COL3A1: variants seen among roughly 807,000 people sequenced by gnomAD.
COL3A1 encodes collagen alpha-1(III) chain.
COL3A1 carries 46 observed loss-of-function variants against 200.9 expected under a neutral mutation model. That is an observed-to-expected ratio of 0.23 (90% CI 0.18 to 0.29). The LOEUF is 0.29. Among genes scored for constraint, COL3A1 ranks in the 10% least tolerant of loss-of-function variants. The pLI, the probability that COL3A1 is intolerant of heterozygous loss-of-function variation, is 1.00. For synonymous variants in COL3A1, 650 were observed against 628.0 expected, an observed-to-expected ratio of 1.03 and a Z score of -0.52; for missense variants, 1,367 against 1,917.6, an observed-to-expected ratio of 0.71 and a Z score of 5.36.
Position 189,008,617 on chromosome 2 carries a change from A to G in COL3A1, c.3526-307A>G, listed in dbSNP as rs1253683345. The G allele has an allele frequency of 6.2e-6, 3 of 482,458 alleles. 1 individual carries two copies. The highest frequency in any genetic ancestry group is 4.6e-5 in the South Asian group (2 of 43,358). The allele number at this position is 482,458 out of a possible 1,614,324, so 29.9% of individuals were successfully genotyped here. A position where few individuals can be genotyped will look rare whatever the true frequency, so the allele number is the denominator to read the frequency against. On this transcript the variant is annotated intron_variant, in intron 47 of 50. Transcript: ENST00000304636. ...TTACACTCCCCTCTGTCATGTCAAT[A>G]TTGGAATTGTAGCTCACAGGTGTTT...
intron 50 of COL3A1, 42 bp downstream of exon 50, chr2:189,010,932 C>T: frequency 1.9e-6 from 3 of 1,612,016 alleles, no homozygotes; most frequent in Non-Finnish European, 2.5e-6. Context: ...AAGCAGTCAG[C>T]ATTTTAGTTT....
intron 1 of COL3A1, among the ~76,000 whole-genome samples, chr2:188,983,384 A>G (rs1687995530): frequency 6.6e-6 from 1 of 152,008 alleles, no homozygotes; most frequent in South Asian, 2.1e-4. Flanking sequence ...ATAAATGGAA[A>G]TGAGGTGGGG....
rs755676319 is a variant in COL3A1 at position 189,002,994 on chromosome 2, G to T, written c.2485G>T (p.Ala829Ser). The T allele has an allele frequency of 5.8e-6, 9 of 1,551,722 alleles. No individual in the cohort carries two copies. In the Admixed American group the frequency reaches 1.4e-4, roughly 24 times the overall value. ...ACCTGGTGGTAAAGGAGAAAGAGGGGCTCCGGGTGAGAAAGGTGAAGGAGG... is the reference window on the plus strand; with the variant it reads ...ACCTGGTGGTAAAGGAGAAAGAGGGTCTCCGGGTGAGAAAGGTGAAGGAGG... Reference protein sequence around the residue: ...GEPGGKGERGAPGEKGEGGPP... With the variant: ...GEPGGKGERGSPGEKGEGGPP... Residue 829 changes from alanine to serine, a missense_variant, in exon 36 of 51, where the codon GCT becomes TCT. This residue lies in a region of COL3A1 where 846 missense variants were observed against 1,147.9 expected (regional missense o/e 0.74). Coordinates refer to ENST00000304636, the MANE Select transcript of COL3A1 (RefSeq NM_000090.4).
At chr2:188,975,247 G>A (rs938112086) in intron 1 of COL3A1, among the ~76,000 whole-genome samples, 2 of 152,034 alleles carry the variant, frequency 1.3e-5, no homozygotes, top group Non-Finnish European at 2.9e-5. Flanking sequence ...AACCACATTC[G>A]CATTAATGAA....
At position 188,997,680 on chromosome 2, in the gene COL3A1, G is replaced by T; in HGVS notation, c.1870-20G>T. ...TATAAAAGGATGTTTACAACAGAGTGTATCATTATACTTTTCTAGGGGCCT... is the reference window on the plus strand; with the variant it reads ...TATAAAAGGATGTTTACAACAGAGTTTATCATTATACTTTTCTAGGGGCCT... On this transcript the variant is annotated intron_variant, in intron 26 of 50. Transcript: ENST00000304636. The T allele has an allele frequency of 1.2e-6, 2 of 1,608,924 alleles. No homozygotes were observed. Among genetic ancestry groups the T allele is most frequent in the South Asian group, 2.2e-5 (2 of 90,912 alleles).
intron 27 of COL3A1, 26 bp from the exon 28 acceptor site, chr2:188,998,240 C>G: frequency 1.2e-6 from 2 of 1,605,226 alleles, no homozygotes; most frequent in Non-Finnish European, 1.7e-6. Context: ...GAGGTAATTA[C>G]CTAATACAAA....
rs1576468557 is a variant in COL3A1 at position 188,999,877 on chromosome 2, A to G, written c.2265A>G (p.Pro755=). The change falls in exon 32 of 51, where the codon CCA becomes CCG. Residue 755 remains proline, a synonymous_variant. Coordinates refer to ENST00000304636, the MANE Select transcript of COL3A1 (RefSeq NM_000090.4). The part of the protein sequence containing the change: ...EPGGPGADGV[P]GKDGPRGPTG... The stretch of plus-strand genomic sequence containing the variant: ...GCGGTCCAGGTGCTGATGGTGTCCC[A>G]GGGAAAGATGGCCCAAGGGTGAGTA... The G allele has an allele frequency of 1.3e-6, 2 of 1,593,620 alleles. No individual in the cohort carries two copies. Among genetic ancestry groups the G allele is most frequent in the Non-Finnish European group, 1.7e-6 (2 of 1,171,068 alleles).
chr2:188,993,608 G>T, intron 16 of COL3A1, 149 bp downstream of exon 16: 1 of 716,142 alleles, frequency 1.4e-6, no homozygotes, highest in Non-Finnish European at 2.5e-6. Flanking sequence ...GCTCTAAAAT[G>T]ATCCTCCTGT....
chr2:189,000,022 G>T, intron 32 of COL3A1, 127 bp downstream of exon 32: 1 of 900,912 alleles, frequency 1.1e-6, no homozygotes, highest in Non-Finnish European at 1.8e-6. Context: ...CTAAAGACCC[G>T]AATGACTTGA....
chr2:189,005,519 G>A, intron 41 of COL3A1, 62 bp downstream of exon 41: 1 of 1,386,024 alleles, frequency 7.2e-7, no homozygotes, highest in Non-Finnish European at 1.0e-6. Context: ...CAGCAAAGGT[G>A]AAATTGAGCT....
At chr2:189,009,933 G>A (rs1250776523) in intron 48 of COL3A1, among the ~76,000 whole-genome samples, 1 of 152,002 alleles carries the variant, frequency 6.6e-6, no homozygotes, top group African/African-American at 2.4e-5. Flanking sequence ...GCAATCAAAA[G>A]GTCTTAGCTT....
At chr2:189,004,447 T>C (rs1688544353) in intron 40 of COL3A1, 83 bp downstream of exon 40, 2 of 1,323,752 alleles carry the variant, frequency 1.5e-6, no homozygotes, top group Non-Finnish European at 2.1e-6. Flanking sequence ...GATGAAAAGT[T>C]TTTCTGTCAC....
chr2:188,986,286 T>A (rs1306261592), intron 4 of COL3A1, among the ~76,000 whole-genome samples: 3 of 152,074 alleles, frequency 2.0e-5, no homozygotes, highest in Admixed American at 2.0e-4. Context: ...GGCAGCCAAA[T>A]AAATCTGCAG....
rs2271682 is a variant in COL3A1 at position 189,001,473 on chromosome 2, T to A, written c.2337+23T>A. ...AAGGTAACCCTTAATACTACCTGGATATAAAAAGAAAATGTCTCTCTCTTT... is the reference window on the plus strand; with the variant it reads ...AAGGTAACCCTTAATACTACCTGGAAATAAAAAGAAAATGTCTCTCTCTTT... On this transcript the variant is annotated intron_variant, in intron 33 of 50. Transcript: ENST00000304636. 0.73 allele frequency: 1,172,487 copies of A among 1,613,732 alleles called. 428,813 individuals are homozygous for A. Among genetic ancestry groups the A allele is most frequent in the East Asian group, 0.91 (41,061 of 44,880 alleles).
intron 50 of COL3A1, 51 bp from the exon 51 acceptor site, chr2:189,011,577 G>C: frequency 6.2e-7 from 1 of 1,609,958 alleles, no homozygotes; most frequent in Non-Finnish European, 8.5e-7. Context: ...AGTCAGAGTT[G>C]TCTAAGTAAT....
chr2:189,011,864 A>G lies in COL3A1; in HGVS notation c.*90A>G. On this transcript the variant is annotated 3_prime_UTR_variant, in exon 51 of 51. Coordinates refer to ENST00000304636, the MANE Select transcript of COL3A1 (RefSeq NM_000090.4). ...TCTTGTCAACCAGTGCAAGTGACCGACAAAATTCCAGTTATTTATTTCCAA... is the reference window on the plus strand; with the variant it reads ...TCTTGTCAACCAGTGCAAGTGACCGGCAAAATTCCAGTTATTTATTTCCAA... 1.4e-6 allele frequency: 2 copies of G among 1,401,254 alleles called. No individual in the cohort carries two copies. Among genetic ancestry groups the G allele is most frequent in the Non-Finnish European group, 2.0e-6 (2 of 995,388 alleles). The allele number at this position is 1,401,254 out of a possible 1,614,324, so 86.8% of individuals were successfully genotyped here.
At chr2:189,005,095 C>T (rs1688557302) in intron 40 of COL3A1, among the ~76,000 whole-genome samples, 1 of 152,122 alleles carries the variant, frequency 6.6e-6, no homozygotes, top group Non-Finnish European at 1.5e-5. Context: ...TCTCAGATTA[C>T]AATGTACAGT....
intron 3 of COL3A1, 124 bp downstream of exon 3, chr2:188,985,371 AC>A (rs1688043801): frequency 1.2e-6 from 1 of 802,490 alleles, no homozygotes; most frequent in African/African-American, 1.7e-5. Flanking sequence ...GAATAATGGC[AC>A]CAAACAACAG....
In COL3A1 at chr2:189,012,138, T is replaced by C. The variant is rs1576475224; in HGVS notation, c.*364T>C. 1 of 204,202 alleles carries C rather than the reference T, an allele frequency of 4.9e-6. No homozygotes were observed. Among genetic ancestry groups the C allele is most frequent in the Non-Finnish European group, 1.0e-5 (1 of 99,442 alleles). The allele number at this position is 204,202 out of a possible 1,614,324, so 12.6% of individuals were successfully genotyped here. ...ACCAGTAAAAGATAACCTTTCTTTCTGAAATAGTCAAATACGAAATTAGAA... is the reference window on the plus strand; with the variant it reads ...ACCAGTAAAAGATAACCTTTCTTTCCGAAATAGTCAAATACGAAATTAGAA... On this transcript the variant is annotated 3_prime_UTR_variant, in exon 51 of 51. Transcript: ENST00000304636.
Sources: gnomAD v4.1 joint callset for allele counts (sites outside exome capture counted in the v4.1 genomes callset) on GRCh38, gnomAD v4.1.1 for gene constraint, gnomAD v4.1.1 regional missense constraint, MANE v1.5 for transcripts, NCBI Gene and HGNC (gene_info 2026-07-23, HGNC 2026-07-21) for gene names.